KAZN: variants seen among roughly 807,000 people sequenced by gnomAD.
The protein encoded by KAZN is kazrin.
In KAZN, 40 loss-of-function variants were observed where a neutral mutation model predicts 87.4. That is an observed-to-expected ratio of 0.46 (90% CI 0.36 to 0.60). KAZN has a LOEUF of 0.60. Ranked by LOEUF, KAZN falls within the 20% of genes least tolerant of loss-of-function variation. The pLI, the probability that KAZN is intolerant of heterozygous loss-of-function variation, is 0.00. For missense variants in KAZN, 898 were observed against 1,073.9 expected, an observed-to-expected ratio of 0.84 and a Z score of 2.29; for synonymous variants, 466 against 458.3, an observed-to-expected ratio of 1.02 and a Z score of -0.22.
chr1:14,636,366 G>T (rs1328767804), intron 1 of KAZN, among the ~76,000 whole-genome samples: 3 of 152,206 alleles, frequency 2.0e-5, no homozygotes, highest in African/African-American at 7.2e-5. Context: ...GTGACCTCTA[G>T]ATGGAGAGAG....
At chr1:14,879,899 A>G (rs571309836) in intron 1 of KAZN, among the ~76,000 whole-genome samples, 2 of 152,296 alleles carry the variant, frequency 1.3e-5, no homozygotes, top group South Asian at 4.1e-4. Flanking sequence ...AATCCTCACA[A>G]CAACGTCATA....
Position 15,114,746 on chromosome 1 carries a change from C to T in KAZN, c.*111C>T, listed in dbSNP as rs966227607. On this transcript the variant is annotated 3_prime_UTR_variant, in exon 15 of 15. Transcript: ENST00000376030. ...ATAGCGGCCGCAGGCTGAGGATGTC[C>T]CTTGCTCCTGGGCAAAATCCCGATG... is the stretch of plus-strand genomic sequence containing the variant. 14 of 1,146,166 alleles carry T rather than the reference C, an allele frequency of 1.2e-5. No homozygotes were observed. The highest frequency in any genetic ancestry group is 2.8e-5 in the Admixed American group (1 of 36,046). 71.0% of individuals were successfully genotyped at this position (1,146,166 alleles called of 1,614,324 possible).
chr1:14,210,156 C>G (rs990002574), intron 2 of KAZN, among the ~76,000 whole-genome samples: 1 of 152,150 alleles, frequency 6.6e-6, no homozygotes, highest in African/African-American at 2.4e-5. Context: ...GAGAGGGACA[C>G]AGTGGGAGGT....
chr1:14,117,668 T>C (rs1644657370), intron 1 of KAZN, among the ~76,000 whole-genome samples: 1 of 152,112 alleles, frequency 6.6e-6, no homozygotes, highest in Non-Finnish European at 1.5e-5. Flanking sequence ...AACCCAGATC[T>C]GAATCCCAGA....
intron 1 of KAZN, among the ~76,000 whole-genome samples, chr1:13,908,789 C>G (rs112618952): frequency 1.9e-3 from 292 of 152,300 alleles, no homozygotes; most frequent in African/African-American, 6.3e-3. Context: ...GGATGCTGAG[C>G]TGCAAAAATT....
chr1:14,091,558 A>T (rs939619239), intron 1 of KAZN, among the ~76,000 whole-genome samples: 4 of 152,218 alleles, frequency 2.6e-5, no homozygotes, highest in African/African-American at 9.7e-5. Context: ...AGCTAAAGGT[A>T]AAAACATCAA....
At chr1:13,968,112 G>T (rs1416141518) in intron 1 of KAZN, among the ~76,000 whole-genome samples, 3 of 152,168 alleles carry the variant, frequency 2.0e-5, no homozygotes, top group East Asian at 3.9e-4. Context: ...GTTTTTAAAT[G>T]GTTCCCAGGT....
At chr1:14,998,664 TC>T (rs745311628) in intron 2 of KAZN, among the ~76,000 whole-genome samples, 2 of 152,180 alleles carry the variant, frequency 1.3e-5, no homozygotes, top group Non-Finnish European at 2.9e-5. Context: ...TTCTCCTGCC[TC>T]AACCTCCCGA....
intron 1 of KAZN, among the ~76,000 whole-genome samples, chr1:14,942,013 G>A (rs1286071866): frequency 6.6e-6 from 1 of 152,202 alleles, no homozygotes; most frequent in Non-Finnish European, 1.5e-5. Flanking sequence ...ACGTGGCAAT[G>A]AGCCCACTAT....
At chr1:14,187,239 G>A (rs576607173) in intron 2 of KAZN, among the ~76,000 whole-genome samples, 1 of 152,166 alleles carries the variant, frequency 6.6e-6, no homozygotes, top group East Asian at 1.9e-4. Context: ...AGATAGAAAG[G>A]GGGTATGTAA....
intron 1 of KAZN, among the ~76,000 whole-genome samples, chr1:14,750,617 C>A (rs2100489024): frequency 6.7e-6 from 1 of 149,794 alleles, no homozygotes; most frequent in Non-Finnish European, 1.5e-5. Flanking sequence ...AAAAAAAGAC[C>A]TTTAAAACCC....
At chr1:14,163,643 T>G (rs1252295458) in intron 1 of KAZN, among the ~76,000 whole-genome samples, 1 of 152,172 alleles carries the variant, frequency 6.6e-6, no homozygotes, top group African/African-American at 2.4e-5. Context: ...TGCCGTTCCC[T>G]AGTGCCAGCT....
chr1:14,804,279 C>G (rs1023055206), intron 1 of KAZN, among the ~76,000 whole-genome samples: 1 of 152,224 alleles, frequency 6.6e-6, no homozygotes, highest in Non-Finnish European at 1.5e-5. Flanking sequence ...TGGCAGAGCT[C>G]CCCAGTCCAA....
intron 2 of KAZN, among the ~76,000 whole-genome samples, chr1:14,231,528 T>A (rs1266577689): frequency 6.6e-6 from 1 of 152,146 alleles, no homozygotes; most frequent in Non-Finnish European, 1.5e-5. Context: ...AATGACAGAA[T>A]CAAAAATCCT....
intron 1 of KAZN, among the ~76,000 whole-genome samples, chr1:14,657,886 T>A (rs759676594): frequency 1.3e-5 from 2 of 152,132 alleles, no homozygotes; most frequent in Non-Finnish European, 2.9e-5. Flanking sequence ...AGTTTTTTGT[T>A]TTATTTTGTT....
intron 1 of KAZN, among the ~76,000 whole-genome samples, chr1:14,063,957 C>A (rs541186729): frequency 6.7e-6 from 1 of 149,982 alleles, no homozygotes; most frequent in East Asian, 2.0e-4. Flanking sequence ...CTCTCTCTCG[C>A]CCAGGCTCGA....
chr1:14,444,006 A>G (rs1666838885), intron 2 of KAZN, among the ~76,000 whole-genome samples: 2 of 152,180 alleles, frequency 1.3e-5, no homozygotes, highest in Admixed American at 1.3e-4. Context: ...GTTATAAAAC[A>G]AGGAATCTGG....
rs1640545304 is a variant in KAZN at position 13,932,232 on chromosome 1, G to A, written c.91+38476G>A. Among the ~76,000 whole-genome samples, 4 of 151,024 alleles carry A rather than the reference G, an allele frequency of 2.6e-5. No homozygotes were observed. The South Asian group carries it at 8.4e-4, about 32-fold the overall frequency. ...CTAGTTTACATTCACTTATATGAGC[G>A]GGGTACAGTTCTCAGCTTATTAAAC... On this transcript the variant is annotated intron_variant, in intron 1 of 16. Transcript: ENST00000636203.
At chr1:14,139,300 A>G (rs1451217233) in intron 1 of KAZN, among the ~76,000 whole-genome samples, 6 of 152,210 alleles carry the variant, frequency 3.9e-5, no homozygotes, top group Non-Finnish European at 5.9e-5. Context: ...CGCTATGGTA[A>G]TGGCTACTGT....
Sources: allele counts gnomAD v4.1 joint callset (sites outside exome capture counted in the v4.1 genomes callset), GRCh38; gene constraint gnomAD v4.1.1; transcripts MANE v1.5; gene names NCBI Gene and HGNC (gene_info 2026-07-23, HGNC 2026-07-21).